ADCY3: variants seen among roughly 807,000 people sequenced by gnomAD.
The protein encoded by ADCY3 is adenylate cyclase 3, also known as adenylate cyclase type 3.
Under a neutral mutation model 119.4 loss-of-function variants are expected in ADCY3, and 70 were observed. The ratio of observed to expected loss-of-function variants is 0.59; its 90% confidence interval spans 0.48 to 0.72. The LOEUF (loss-of-function observed/expected upper bound fraction) is 0.72. Among genes scored for constraint, ADCY3 ranks in the 30% least tolerant of loss-of-function variants. The pLI is 0.00. For missense variants in ADCY3, 1,238 were observed against 1,541.6 expected, an observed-to-expected ratio of 0.80 and a Z score of 3.30; for synonymous variants, 672 against 621.4, an observed-to-expected ratio of 1.08 and a Z score of -1.21.
chr2:24,862,539 C>A (rs1340083655), intron 3 of ADCY3, among the ~76,000 whole-genome samples: 1 of 119,280 alleles, frequency 8.4e-6, no homozygotes, highest in Non-Finnish European at 1.6e-5. Context: ...GAGCGAGACT[C>A]CGCCTCAAAA....
At chr2:24,859,514 T>C (rs1673391131) in intron 3 of ADCY3, among the ~76,000 whole-genome samples, 1 of 152,200 alleles carries the variant, frequency 6.6e-6, no homozygotes. Flanking sequence ...TCAGGGTTGA[T>C]GACACCTTGT....
intron 3 of ADCY3, among the ~76,000 whole-genome samples, chr2:24,866,568 A>AC: frequency 6.7e-6 from 1 of 149,308 alleles, no homozygotes; most frequent in Non-Finnish European, 1.5e-5. Flanking sequence ...CTGTCTCAAA[A>AC]AAAAAAAAAA....
intron 17 of ADCY3, 27 bp downstream of exon 17, chr2:24,824,351 G>A (rs1668293192): frequency 1.2e-6 from 2 of 1,611,018 alleles, no homozygotes; most frequent in African/African-American, 1.3e-5. Context: ...TGGCCTCATG[G>A]TTCCGGGCTG....
At chr2:24,855,745 G>C (rs1270133542) in intron 3 of ADCY3, among the ~76,000 whole-genome samples, 7 of 152,250 alleles carry the variant, frequency 4.6e-5, no homozygotes, top group African/African-American at 1.7e-4. Flanking sequence ...CAGGCCTGCA[G>C]TGGGGTAGAG....
At chr2:24,831,817 A>G in intron 11 of ADCY3, 68 bp from the exon 12 acceptor site, 1 of 490,382 alleles carries the variant, frequency 2.0e-6, no homozygotes, top group Non-Finnish European at 3.5e-6. Context: ...GGGCTAGGAG[A>G]GGAAGGGACG....
chr2:24,838,932 C>G, intron 7 of ADCY3: 1 of 1,448,304 alleles, frequency 6.9e-7, no homozygotes, highest in South Asian at 1.2e-5. Context: ...AGATCAAATG[C>G]GATAAGGAAT....
Position 24,834,510 on chromosome 2 carries a change from G to C in ADCY3, c.1942C>G (p.Leu648Val). The C allele has an allele frequency of 6.2e-7, 1 of 1,613,098 alleles. No homozygotes were observed. Among genetic ancestry groups the C allele is most frequent in the Non-Finnish European group, 8.5e-7 (1 of 1,179,842 alleles). The change falls in exon 11 of 22, where the codon CTG (leucine) becomes GTG (valine). Residue 648 changes from leucine (L) to valine (V), a missense_variant. Leu to Val is a conservative substitution (Grantham distance 32). This residue lies in a region of ADCY3 where 499 missense variants were observed against 571.0 expected (regional missense o/e 0.87). Coordinates refer to ENST00000679454, the MANE Select transcript of ADCY3 (RefSeq NM_004036.5). The surrounding 1 kb of genome is among the most constrained non-coding windows in gnomAD (Gnocchi z 4.2). ...CAGGGGTCGATGAGTATCTCGACCA[G>C]GGCCGTGCAGAGCAGGACGACGCAG... The part of the protein sequence containing the change: ...CSCVVLLCTA[L>V]VEILIDPWLM...
intron 20 of ADCY3, 99 bp from the exon 21 acceptor site, chr2:24,820,947 A>G: frequency 1.3e-6 from 2 of 1,486,808 alleles, no homozygotes; most frequent in East Asian, 2.3e-5. Context: ...AAAGCTCCTA[A>G]TGTAACACAT....
At chr2:24,897,565 G>T (rs1678425420) in intron 2 of ADCY3, among the ~76,000 whole-genome samples, 1 of 152,144 alleles carries the variant, frequency 6.6e-6, no homozygotes, top group Non-Finnish European at 1.5e-5. Flanking sequence ...CGCGAAACAG[G>T]TGCTTGGTCA....
At chr2:24,870,158 A>AT (rs1204602268) in intron 3 of ADCY3, among the ~76,000 whole-genome samples, 548 of 54,308 alleles carry the variant, frequency 0.01, 6 homozygotes, top group East Asian at 0.093. Context: ...CTAAAAATAT[A>AT]AAAAAAAAAA....
chr2:24,873,063 C>T (rs73923453), intron 2 of ADCY3, among the ~76,000 whole-genome samples: 59 of 152,346 alleles, frequency 3.9e-4, no homozygotes, highest in African/African-American at 1.4e-3. Context: ...CCACCTGTGA[C>T]GCCTGAGCAG....
rs772069036 is a variant in ADCY3, at chr2:24,823,394, G to A, written c.2737-39C>T. Reference sequence around the variant, plus strand: ...CGGACAACGTGCTCAAAGCATGTCCGACTGACTGGATGATGTGTTGGAGAA... The same window carrying A: ...CGGACAACGTGCTCAAAGCATGTCCAACTGACTGGATGATGTGTTGGAGAA... On this transcript the variant is annotated intron_variant, in intron 17 of 21. Transcript: ENST00000679454. 7.5e-6 allele frequency: 12 copies of A among 1,596,180 alleles called. No homozygotes were observed. In the African/African-American group the frequency reaches 8.1e-5, roughly 11 times the overall value.
At chr2:24,877,638 GTC>G (rs1558489004) in intron 2 of ADCY3, among the ~76,000 whole-genome samples, 2 of 152,172 alleles carry the variant, frequency 1.3e-5, no homozygotes, top group African/African-American at 4.8e-5. Flanking sequence ...AAAGATGGGG[GTC>G]TCTCTGAAAC....
At chr2:24,837,150 T>C in intron 8 of ADCY3, 105 bp from the exon 9 acceptor site, 1 of 1,316,726 alleles carries the variant, frequency 7.6e-7, no homozygotes, top group African/African-American at 1.5e-5. Context: ...TAGAGAGCAA[T>C]CTGAGGCCAC....
chr2:24,820,102 T>G lies in ADCY3; in HGVS notation c.3265A>C (p.Thr1089Pro). The change falls in exon 22 of 22, where the codon ACC becomes CCC. Residue 1089 changes from threonine (T) to proline (P), a missense_variant. Thr to Pro is a conservative substitution (Grantham distance 38). This residue lies in a region of ADCY3 where 86 missense variants were observed against 70.7 expected (regional missense o/e 1.22). Coordinates refer to ENST00000679454, the MANE Select transcript of ADCY3 (RefSeq NM_004036.5). Reference sequence around the variant, plus strand: ...CCGTACTCTCGGAGGATGACTTGGGTTTCTTCTACCACCTGGAGAGGGAGG... The same window carrying G: ...CCGTACTCTCGGAGGATGACTTGGGGTTCTTCTACCACCTGGAGAGGGAGG... ...VMGNIQVVEE[T>P]QVILREYGFR... 6.5e-7 allele frequency: 1 copy of G among 1,548,800 alleles called. No individual in the cohort carries two copies. The highest frequency in any genetic ancestry group is 8.7e-7 in the Non-Finnish European group (1 of 1,146,872).
intron 3 of ADCY3, among the ~76,000 whole-genome samples, chr2:24,854,139 G>T (rs1044408132): frequency 6.6e-6 from 1 of 152,210 alleles, no homozygotes; most frequent in Non-Finnish European, 1.5e-5. Flanking sequence ...TTTCGGTAGG[G>T]GGTGGCAGGG....
chr2:24,826,260 A>T, intron 15 of ADCY3, 134 bp from the exon 16 acceptor site: 1 of 739,408 alleles, frequency 1.4e-6, no homozygotes, highest in South Asian at 1.9e-5. Context: ...AGGCCCTTTC[A>T]CATCAAGTCG....
intron 6 of ADCY3, chr2:24,840,688 G>A (rs1342398033): frequency 2.7e-6 from 1 of 372,428 alleles, no homozygotes; most frequent in African/African-American, 2.1e-5. Flanking sequence ...AAGTCAACCA[G>A]AGGGACTGCC....
In ADCY3 at chr2:24,821,791, C is replaced by T. The variant is rs956649377; in HGVS notation, c.3004-151G>A. ...CTCCCACAAAGGAGTCGCAGCCACGCTAGCTCTGACTTGCCACTGTGACAA... is the reference window on the plus strand; with the variant it reads ...CTCCCACAAAGGAGTCGCAGCCACGTTAGCTCTGACTTGCCACTGTGACAA... On this transcript the variant is annotated intron_variant, in intron 19 of 21. Coordinates refer to ENST00000679454, the MANE Select transcript of ADCY3 (RefSeq NM_004036.5). 23 of 1,142,058 alleles carry T rather than the reference C, an allele frequency of 2.0e-5. No individual in the cohort carries two copies. In the Admixed American group the frequency reaches 5.2e-4, roughly 26 times the overall value. 70.7% of individuals were successfully genotyped at this position (1,142,058 alleles called of 1,614,324 possible).
Sources: gnomAD v4.1 joint callset for allele counts (sites outside exome capture counted in the v4.1 genomes callset) on GRCh38, gnomAD v4.1.1 for gene constraint, gnomAD v4.1.1 regional missense constraint, Gnocchi (gnomAD v3.1) non-coding constraint, MANE v1.5 for transcripts, NCBI Gene and HGNC (gene_info 2026-07-23, HGNC 2026-07-21) for gene names.